Variants in NIM1K observed in about 807,000 individuals in gnomAD.
NIM1K encodes the protein serine/threonine-protein kinase NIM1.
Under a neutral mutation model 37.1 loss-of-function variants are expected in NIM1K, and 35 were observed. The observed-to-expected ratio is 0.94, with a 90% CI of 0.72 to 1.25. The LOEUF (loss-of-function observed/expected upper bound fraction) is 1.25. Ranked by LOEUF, NIM1K falls within the 50% of genes most tolerant of loss-of-function variation. NIM1K has a pLI of 0.00. For synonymous variants in NIM1K, 234 were observed against 206.6 expected, an observed-to-expected ratio of 1.13 and a Z score of -1.14; for missense variants, 564 against 548.0, an observed-to-expected ratio of 1.03 and a Z score of -0.29.
At chr5:43,267,507 G>T (rs931513150) in intron 2 of NIM1K, among the ~76,000 whole-genome samples, 1 of 151,956 alleles carries the variant, frequency 6.6e-6, no homozygotes, top group Non-Finnish European at 1.5e-5. Flanking sequence ...GGGTTCCTTT[G>T]TTCCTGTTTC....
At chr5:43,193,419 T>A (rs1360133336) in intron 1 of NIM1K, 6 of 143,910 alleles carry the variant, frequency 4.2e-5, no homozygotes, top group Admixed American at 1.4e-4. Context: ...TTCGTCCTCC[T>A]GAGTACAGTA....
At chr5:43,219,407 C>A (rs1301610843) in intron 1 of NIM1K, among the ~76,000 whole-genome samples, 2 of 152,052 alleles carry the variant, frequency 1.3e-5, no homozygotes, top group African/African-American at 4.8e-5. Flanking sequence ...CTGTCTAATT[C>A]TAAAAATTTT....
chr5:43,235,261 TAG>T (rs1296487721), intron 1 of NIM1K, among the ~76,000 whole-genome samples: 5 of 152,238 alleles, frequency 3.3e-5, no homozygotes, highest in African/African-American at 7.2e-5. Flanking sequence ...CATTTTAAAT[TAG>T]AGTCACAAAA....
chr5:43,233,699 A>G (rs542000998), intron 1 of NIM1K, among the ~76,000 whole-genome samples: 1 of 152,366 alleles, frequency 6.6e-6, no homozygotes, highest in Admixed American at 6.5e-5. Flanking sequence ...AGAAAGTTAC[A>G]AGGCAGCAAA....
chr5:43,195,661 C>CAAAAAAAAA, intron 1 of NIM1K, among the ~76,000 whole-genome samples: 1 of 112,088 alleles, frequency 8.9e-6, no homozygotes, highest in Non-Finnish European at 1.8e-5. Context: ...ACTCTGAATC[C>CAAAAAAAAA]AAAAAAAAAA....
chr5:43,245,045 A>G (rs1206943097), intron 1 of NIM1K, 37 bp from the exon 2 acceptor site: 1 of 152,246 alleles, frequency 6.6e-6, no homozygotes, highest in African/African-American at 2.4e-5. Flanking sequence ...ACAGTACATT[A>G]GCATAGGCTA....
chr5:43,277,258 AG>A lies in NIM1K; in HGVS notation c.498del (p.Lys167SerfsTer18). 1 of 1,614,070 alleles carries A rather than the reference AG, an allele frequency of 6.2e-7. No homozygotes were observed. The highest frequency in any genetic ancestry group is 1.1e-5 in the South Asian group (1 of 91,066). On this transcript the variant is annotated frameshift_variant, in exon 3 of 4. Transcript: ENST00000326035. LOFTEE classifies it high-confidence loss of function. ...GGELFGKIST[E>X]GKLSEPESKL... ...GAGCTCTTCGGAAAAATTAGCACTG[AG>A]GGGAAGCTCTCTGAACCAGAAAGCA... is the stretch of plus-strand genomic sequence containing the variant.
intron 1 of NIM1K, among the ~76,000 whole-genome samples, chr5:43,196,909 G>T (rs1330011604): frequency 6.8e-6 from 1 of 147,698 alleles, no homozygotes; most frequent in East Asian, 2.0e-4. Flanking sequence ...AGTAGCTGGG[G>T]CTATAGGTGC....
intron 1 of NIM1K, among the ~76,000 whole-genome samples, chr5:43,223,175 A>G (rs1373885368): frequency 1.3e-5 from 2 of 152,018 alleles, no homozygotes; most frequent in Non-Finnish European, 2.9e-5. Flanking sequence ...GGTTGTTATA[A>G]AAACATTCAG....
chr5:43,225,260 C>CAAAAAAAAAAAAAAAAAAA (rs10555794), intron 1 of NIM1K, among the ~76,000 whole-genome samples: 2 of 72,674 alleles, frequency 2.8e-5, no homozygotes, highest in African/African-American at 5.1e-5. Context: ...ACCCTCTTTC[C>CAAAAAAAAAAAAAAAAAAA]AAAAAAAAAA....
intron 1 of NIM1K, chr5:43,233,165 G>A: frequency 7.9e-7 from 1 of 1,264,746 alleles, no homozygotes; most frequent in South Asian, 1.2e-5. Flanking sequence ...TGGAGATGCG[G>A]TCACGCATGA....
chr5:43,234,009 G>A (rs1044638102), intron 1 of NIM1K, among the ~76,000 whole-genome samples: 5 of 152,096 alleles, frequency 3.3e-5, no homozygotes, highest in African/African-American at 1.2e-4. Context: ...GCAGAAACTC[G>A]GGTTTCTATT....
Position 43,280,674 on chromosome 5 carries a change from G to C in NIM1K, c.1256G>C (p.Gly419Ala). 5 of 1,613,196 alleles carry C rather than the reference G, an allele frequency of 3.1e-6. No individual in the cohort carries two copies. The highest frequency in any genetic ancestry group is 4.2e-6 in the Non-Finnish European group (5 of 1,179,834). Residue 419 changes from glycine to alanine, a missense_variant, in exon 4 of 4, where the codon GGG becomes GCG. Gly to Ala is a moderately conservative substitution (Grantham distance 60). Transcript: ENST00000326035. Reference protein sequence around the residue: ...PDPKERDLKKGSRVYRGIRHT... With the variant: ...PDPKERDLKKASRVYRGIRHT... ...CCTAAAGAAAGAGACCTCAAAAAAG[G>C]GTCCCGTGTCTACAGAGGGATAAGA...
At chr5:43,238,932 C>T (rs1411744000) in intron 1 of NIM1K, among the ~76,000 whole-genome samples, 2 of 121,896 alleles carry the variant, frequency 1.6e-5, no homozygotes, top group African/African-American at 3.4e-5. Context: ...AAGTAACAAC[C>T]TATCTTTGAG....
chr5:43,206,530 G>A (rs1000184335), intron 1 of NIM1K, among the ~76,000 whole-genome samples: 1 of 151,772 alleles, frequency 6.6e-6, no homozygotes, highest in African/African-American at 2.4e-5. Flanking sequence ...AATAGGTTGG[G>A]GGAGAAAAAA....
intron 1 of NIM1K, among the ~76,000 whole-genome samples, chr5:43,228,673 C>A (rs1220462680): frequency 2.0e-5 from 3 of 149,936 alleles, no homozygotes; most frequent in African/African-American, 7.4e-5. Context: ...AAAAAAAAAA[C>A]CCTAAAAATC....
intron 1 of NIM1K, among the ~76,000 whole-genome samples, chr5:43,220,049 T>G (rs1752359712): frequency 6.6e-6 from 1 of 152,164 alleles, no homozygotes; most frequent in African/African-American, 2.4e-5. Context: ...ATGCATACGA[T>G]TTTTAAATTT....
At chr5:43,232,838 G>T in intron 1 of NIM1K, 1 of 1,033,698 alleles carries the variant, frequency 9.7e-7, no homozygotes, top group Non-Finnish European at 1.5e-6. Flanking sequence ...GTGATCTCCT[G>T]GCCAATGGTG....
At chr5:43,202,656 T>C (rs1247419116) in intron 1 of NIM1K, among the ~76,000 whole-genome samples, 1 of 152,184 alleles carries the variant, frequency 6.6e-6, no homozygotes, top group Non-Finnish European at 1.5e-5. Flanking sequence ...AGAGGAAAAC[T>C]GAGATAAGAC....
Sources: gnomAD v4.1 joint callset for allele counts (sites outside exome capture counted in the v4.1 genomes callset) on GRCh38, gnomAD v4.1.1 for gene constraint, MANE v1.5 for transcripts, NCBI Gene and HGNC (gene_info 2026-07-23, HGNC 2026-07-21) for gene names.